The following USH2A variants were observed in gnomAD, a reference collection of about 807,000 sequenced individuals.
USH2A encodes usherin.
A neutral mutation model predicts 538.9 loss-of-function variants in USH2A; 443 were observed. The ratio of observed to expected loss-of-function variants is 0.82; its 90% CI spans 0.76 to 0.89. USH2A has a LOEUF of 0.89. Among genes scored for constraint, USH2A ranks in the 40% least tolerant of loss-of-function variants. USH2A has a pLI of 0.00. For synonymous variants in USH2A, 2,413 were observed against 2,273.5 expected (o/e 1.06, Z -1.75); for missense variants, 6,633 against 6,324.8 (o/e 1.05, Z -1.65).
At chr1:216,217,028 G>A (rs79422798) in intron 15 of USH2A, among the ~76,000 whole-genome samples, 4,061 of 151,712 alleles carry the variant, frequency 0.027, 192 homozygotes, top group African/African-American at 0.092. Flanking sequence ...TCTTTGTGTC[G>A]GTGACCAACT....
At chr1:216,310,305 C>T (rs1187498612) in intron 9 of USH2A, among the ~76,000 whole-genome samples, 1 of 151,982 alleles carries the variant, frequency 6.6e-6, no homozygotes, top group Admixed American at 6.5e-5. Context: ...AATATATCAA[C>T]TATACCTTTT....
chr1:215,687,638 C>A (rs2102678544), intron 61 of USH2A, among the ~76,000 whole-genome samples: 1 of 152,108 alleles, frequency 6.6e-6, no homozygotes, highest in African/African-American at 2.4e-5. Flanking sequence ...TTTAAAGTGG[C>A]AAATCAGTCA....
At chr1:216,218,936 T>C (rs2035398133) in intron 14 of USH2A, among the ~76,000 whole-genome samples, 1 of 152,012 alleles carries the variant, frequency 6.6e-6, no homozygotes, top group African/African-American at 2.4e-5. Context: ...GTTTATAGGC[T>C]TTTAATATAA....
At chr1:215,759,926 T>A in intron 56 of USH2A, 83 bp from the exon 57 acceptor site, 1 of 1,517,734 alleles carries the variant, frequency 6.6e-7, no homozygotes, top group Non-Finnish European at 9.1e-7. Flanking sequence ...CCCCATGAAC[T>A]GTGATATTTT....
intron 3 of USH2A, among the ~76,000 whole-genome samples, chr1:216,401,727 T>C (rs995591492): frequency 3.3e-5 from 5 of 152,024 alleles, no homozygotes; most frequent in Non-Finnish European, 4.4e-5. Context: ...AATGATAAAA[T>C]GATATCTCCA....
intron 15 of USH2A, among the ~76,000 whole-genome samples, chr1:216,216,456 T>C (rs1453580006): frequency 1.3e-5 from 2 of 152,022 alleles, no homozygotes; most frequent in African/African-American, 4.8e-5. Context: ...TAAATGTAGA[T>C]AGCAGAGTTC....
At chr1:215,956,332 C>T (rs906938314) in intron 37 of USH2A, among the ~76,000 whole-genome samples, 2 of 152,062 alleles carry the variant, frequency 1.3e-5, no homozygotes, top group Non-Finnish European at 2.9e-5. Context: ...ATTAGAAATC[C>T]CCCAAATCAC....
chr1:216,133,564 C>T (rs1157898029), intron 21 of USH2A, among the ~76,000 whole-genome samples: 1 of 152,066 alleles, frequency 6.6e-6, no homozygotes, highest in Admixed American at 6.6e-5. Context: ...GACTGCTGAT[C>T]ACTTCCCTCA....
At chr1:215,935,720 A>G (rs1013800459) in intron 37 of USH2A, among the ~76,000 whole-genome samples, 1 of 152,066 alleles carries the variant, frequency 6.6e-6, no homozygotes, top group African/African-American at 2.4e-5. Context: ...TTTCTATATT[A>G]GATGCTTTCC....
chr1:216,169,695 A>G (rs530794434), intron 21 of USH2A, among the ~76,000 whole-genome samples: 2 of 152,238 alleles, frequency 1.3e-5, no homozygotes, highest in South Asian at 2.1e-4. Flanking sequence ...TTGTTTCATA[A>G]TCAGAAAACA....
intron 9 of USH2A, among the ~76,000 whole-genome samples, chr1:216,308,828 C>T (rs900693737): frequency 6.6e-6 from 1 of 152,040 alleles, no homozygotes; most frequent in African/African-American, 2.4e-5. Context: ...GTCTGTTTTG[C>T]CTAATATTTA....
At chr1:215,884,406 AAAG>A (rs1664996189) in intron 41 of USH2A, among the ~76,000 whole-genome samples, 1 of 152,142 alleles carries the variant, frequency 6.6e-6, no homozygotes, top group African/African-American at 2.4e-5. Flanking sequence ...GTTGCAGTGT[AAAG>A]AAGTAGAGAA....
chr1:216,245,507 GAGAGAGAGAGAC>G (rs1323503657), intron 13 of USH2A, among the ~76,000 whole-genome samples: 1 of 143,384 alleles, frequency 7.0e-6, no homozygotes, highest in Admixed American at 7.2e-5. Context: ...GAGAGAGAGA[GAGAGAGAGAGAC>G]AAATGAATAT....
At chr1:216,304,647 T>A (rs529987025) in intron 9 of USH2A, among the ~76,000 whole-genome samples, 21 of 152,158 alleles carry the variant, frequency 1.4e-4, no homozygotes, top group African/African-American at 5.1e-4. Flanking sequence ...TATAGGCATT[T>A]AATGCTATGA....
chr1:216,129,153 T>C (rs1380956970), intron 21 of USH2A, among the ~76,000 whole-genome samples: 1 of 152,126 alleles, frequency 6.6e-6, no homozygotes, highest in Non-Finnish European at 1.5e-5. Flanking sequence ...CATTCATCCA[T>C]TGATGGACAC....
At chr1:215,716,876 G>A (rs1558067219) in intron 61 of USH2A, among the ~76,000 whole-genome samples, 1 of 152,270 alleles carries the variant, frequency 6.6e-6, no homozygotes, top group Non-Finnish European at 1.5e-5. Flanking sequence ...AGATTGGTCA[G>A]ATTTTGTTAC....
chr1:216,071,537 G>A (rs1042185177), intron 29 of USH2A, among the ~76,000 whole-genome samples: 1 of 152,084 alleles, frequency 6.6e-6, no homozygotes, highest in Admixed American at 6.6e-5. Flanking sequence ...CCAACCCTTG[G>A]GAGCATGTAG....
At chr1:216,170,798 T>C (rs1369924591) in intron 21 of USH2A, among the ~76,000 whole-genome samples, 3 of 152,134 alleles carry the variant, frequency 2.0e-5, no homozygotes, top group Non-Finnish European at 4.4e-5. Context: ...ATCAAGTAGA[T>C]TTACTCTGCA....
At chr1:216,171,307 A>G (rs1296765162) in intron 21 of USH2A, among the ~76,000 whole-genome samples, 1 of 152,088 alleles carries the variant, frequency 6.6e-6, no homozygotes, top group Admixed American at 6.6e-5. Context: ...ATCATGCAAC[A>G]AAATCCTCAA....
Sources: gnomAD v4.1 joint callset for allele counts (sites outside exome capture counted in the v4.1 genomes callset) on GRCh38, gnomAD v4.1.1 for gene constraint, MANE v1.5 for transcripts, NCBI Gene and HGNC (gene_info 2026-07-23, HGNC 2026-07-21) for gene names.